Variants in VSX1 observed in about 807,000 individuals in gnomAD.
VSX1 encodes visual system homeobox 1.
A neutral mutation model predicts 23.6 loss-of-function variants in VSX1; 23 were observed. The observed-to-expected ratio is 0.97, with a 90% CI of 0.70 to 1.38. The LOEUF is 1.38. Among genes scored for constraint, VSX1 ranks in the 40% most tolerant of loss-of-function variants. The pLI is 0.00. For synonymous variants in VSX1, 247 were observed against 215.1 expected (o/e 1.15, Z -1.30); for missense variants, 517 against 495.4 (o/e 1.04, Z -0.41).
At position 25,076,566 on chromosome 20, in the gene VSX1, AT is replaced by A. The variant is rs761319192; in HGVS notation, c.809-17del. The A allele has an allele frequency of 1.3e-6, 2 of 1,584,620 alleles. No individual in the cohort carries two copies. Among genetic ancestry groups the A allele is most frequent in the South Asian group, 1.2e-5 (1 of 84,294 alleles). On this transcript the variant is annotated splice_polypyrimidine_tract_variant and intron_variant, in intron 4 of 4. Transcript: ENST00000376709. ...TTATGCATCCCTTGTAAAAAAAAAA[AT>A]AAAAAGGAAAAAATAAAAATAAAAA... is the stretch of plus-strand genomic sequence containing the variant.
chr20:25,081,436 C>A, intron 1 of VSX1: 1 of 772,754 alleles, frequency 1.3e-6, no homozygotes. Flanking sequence ...CAGGTGGTGG[C>A]GGTCTCACAT....
Position 25,078,964 on chromosome 20 carries a change from C to T in VSX1, c.504-12G>A, listed in dbSNP as rs2089576669. On this transcript the variant is annotated splice_polypyrimidine_tract_variant and intron_variant, in intron 2 of 4. Transcript: ENST00000376709. ...CAGTGAAAACTGTCCTGCAAGGACC[C>T]CAAAACACACAGGTGGGCACATGTC... 2 of 1,613,182 alleles carry T rather than the reference C, an allele frequency of 1.2e-6. No individual in the cohort carries two copies. The highest frequency in any genetic ancestry group is 1.7e-6 in the Non-Finnish European group (2 of 1,180,000).
chr20:25,081,830 G>A lies in VSX1; in HGVS notation c.267C>T (p.Gly89=). 2 of 1,506,618 alleles carry A rather than the reference G, an allele frequency of 1.3e-6. No homozygotes were observed. Among genetic ancestry groups the A allele is most frequent in the Non-Finnish European group, 1.8e-6 (2 of 1,136,366 alleles). 93.3% of individuals were successfully genotyped at this position (1,506,618 alleles called of 1,614,324 possible). A position where few individuals can be genotyped will look rare whatever the true frequency, so the allele number is the denominator to read the frequency against. ...PLGLGLLCGF[G]TQPPAAARAP... ...CTCGAGCGGCCGCCGGCGGCTGCGT[G>A]CCGAAGCCACAGAGGAGGCCGAGTC... Residue 89 remains glycine, a synonymous_variant, in exon 1 of 5, where the codon GGC becomes GGT. Transcript: ENST00000376709.
At chr20:25,079,341 A>G (rs2089587960) in intron 2 of VSX1, 95 bp downstream of exon 2, 1 of 1,314,114 alleles carries the variant, frequency 7.6e-7, no homozygotes, top group East Asian at 2.5e-5. Flanking sequence ...TGGGCCTGCT[A>G]TCATGCCGGG....
chr20:25,080,278 A>G (rs979933215), intron 1 of VSX1, among the ~76,000 whole-genome samples: 3 of 152,270 alleles, frequency 2.0e-5, no homozygotes, highest in African/African-American at 7.2e-5. Context: ...AAAAATAACT[A>G]AATAATACTA....
downstream of VSX1, chr20:25,071,282 AGAG>A (rs1239006924): frequency 6.6e-6 from 3 of 454,044 alleles, no homozygotes; most frequent in East Asian, 2.1e-4. Flanking sequence ...TGATGGAAGG[AGAG>A]GAGAAGGGCA....
chr20:25,080,027 C>G (rs2089606919), intron 1 of VSX1, among the ~76,000 whole-genome samples: 1 of 152,182 alleles, frequency 6.6e-6, no homozygotes, highest in African/African-American at 2.4e-5. Context: ...TGCAACCCTT[C>G]CCTGATGCAC....
Position 25,076,195 on chromosome 20 carries a change from G to A in VSX1, c.*66C>T. 1 of 1,606,900 alleles carries A rather than the reference G, an allele frequency of 6.2e-7. No homozygotes were observed. The highest frequency in any genetic ancestry group is 8.5e-7 in the Non-Finnish European group (1 of 1,175,938). ...AGAGTATATGTCTTGGACAATTTTTGTCTTTTGGAAAATGCCAGTGAGGAA... is the reference window on the plus strand; with the variant it reads ...AGAGTATATGTCTTGGACAATTTTTATCTTTTGGAAAATGCCAGTGAGGAA... On this transcript the variant is annotated 3_prime_UTR_variant, in exon 5 of 5. Transcript: ENST00000376709.
At chr20:25,080,634 C>T (rs566433899) in intron 1 of VSX1, among the ~76,000 whole-genome samples, 1 of 152,362 alleles carries the variant, frequency 6.6e-6, no homozygotes. Context: ...GACAGCTCTG[C>T]TCCAGACTTT....
chr20:25,076,757 G>C (rs1269093296), intron 4 of VSX1, among the ~76,000 whole-genome samples: 1 of 152,106 alleles, frequency 6.6e-6, no homozygotes, highest in Non-Finnish European at 1.5e-5. Flanking sequence ...TCCAGCAAAG[G>C]TGTTTAGGAT....
At chr20:25,081,575 G>C in intron 1 of VSX1, 98 bp downstream of exon 1, 1 of 1,537,716 alleles carries the variant, frequency 6.5e-7, no homozygotes, top group East Asian at 2.3e-5. Context: ...GATCTGGGCC[G>C]CTGGGGCCAG....
chr20:25,077,614 T>G, intron 4 of VSX1, 71 bp downstream of exon 4: 1 of 1,522,710 alleles, frequency 6.6e-7, no homozygotes, highest in Non-Finnish European at 8.8e-7. Context: ...GCTGCCTCGG[T>G]GGGGACACCC....
chr20:25,078,986 T>C (rs1309576488), intron 2 of VSX1, 34 bp from the exon 3 acceptor site: 1 of 1,612,474 alleles, frequency 6.2e-7, no homozygotes, highest in Non-Finnish European at 8.5e-7. Context: ...GGTGGGCACA[T>C]GTCCCCTGGG....
rs778148050 is a variant in VSX1, at chr20:25,078,807, G to A, written c.627+22C>T. 78 of 1,613,990 alleles carry A rather than the reference G, an allele frequency of 4.8e-5. 1 individual carries two copies. In the East Asian group the frequency reaches 7.3e-4, roughly 15 times the overall value. Reference sequence around the variant, plus strand: ...ACGTTCTCTGTGGTATCTTTGGAGCGGAGAAAAGGGACCCCAGACACCTGT... The same window carrying A: ...ACGTTCTCTGTGGTATCTTTGGAGCAGAGAAAAGGGACCCCAGACACCTGT... On this transcript the variant is annotated intron_variant, in intron 3 of 4. Transcript: ENST00000376709.
At position 25,077,891 on chromosome 20, in the gene VSX1, G is replaced by A. The variant is rs2089542348; in HGVS notation, c.628-26C>T. 4 of 1,550,690 alleles carry A rather than the reference G, an allele frequency of 2.6e-6. No individual in the cohort carries two copies. The East Asian group carries it at 9.8e-5, about 38-fold the overall frequency. On this transcript the variant is annotated intron_variant, in intron 3 of 4. Coordinates refer to ENST00000376709, the MANE Select transcript of VSX1 (RefSeq NM_014588.6). ...CTGGTTGGAGGCAGGAGAAGCAGAA[G>A]GCACACAGAAGAGACAGTGAAGAGG...
At chr20:25,079,594 A>C in intron 1 of VSX1, 80 bp from the exon 2 acceptor site, 1 of 1,460,536 alleles carries the variant, frequency 6.8e-7, no homozygotes, top group Admixed American at 2.0e-5. Context: ...TGAGGATTGA[A>C]GTTATGAACC....
Position 25,077,680 on chromosome 20 carries a change from C to G in VSX1, c.808+5G>C. 1 of 1,546,888 alleles carries G rather than the reference C, an allele frequency of 6.5e-7. No individual in the cohort carries two copies. Among genetic ancestry groups the G allele is most frequent in the Non-Finnish European group, 8.7e-7 (1 of 1,146,754 alleles). On this transcript the variant is annotated splice_donor_5th_base_variant and intron_variant, in intron 4 of 4. Coordinates refer to ENST00000376709, the MANE Select transcript of VSX1 (RefSeq NM_014588.6). ...AGCCGTGCGATCCCGGGGGCCCTTC[C>G]TTACCCAGGAGCCAGGGCGCGCAGG... is the stretch of plus-strand genomic sequence containing the variant.
chr20:25,077,893 C>T lies in VSX1; in HGVS notation c.628-28G>A, dbSNP rs202076164. On this transcript the variant is annotated intron_variant, in intron 3 of 4. Transcript: ENST00000376709. The stretch of plus-strand genomic sequence containing the variant: ...GGTTGGAGGCAGGAGAAGCAGAAGG[C>T]ACACAGAAGAGACAGTGAAGAGGGG... 1.0e-5 allele frequency: 16 copies of T among 1,550,506 alleles called. No individual in the cohort carries two copies. The East Asian group carries it at 3.4e-4, about 33-fold the overall frequency.
downstream of VSX1, among the ~76,000 whole-genome samples, chr20:25,075,121 G>A (rs540656735): frequency 3.0e-4 from 45 of 152,328 alleles, no homozygotes; most frequent in Non-Finnish European, 5.3e-4. Context: ...CTGCAGAGAT[G>A]GGAGCACCAA....
Sources: allele counts gnomAD v4.1 joint callset (sites outside exome capture counted in the v4.1 genomes callset), GRCh38; gene constraint gnomAD v4.1.1; transcripts MANE v1.5; gene names NCBI Gene and HGNC (gene_info 2026-07-23, HGNC 2026-07-21).